The following EPAS1 variants were observed in gnomAD, a reference collection of about 807,000 sequenced individuals.
EPAS1 encodes the protein endothelial PAS domain-containing protein 1.
Under a neutral mutation model 87.9 loss-of-function variants are expected in EPAS1, and 23 were observed. That is an observed-to-expected ratio of 0.26 (90% CI 0.19 to 0.37). The LOEUF is 0.37. EPAS1 is among the 10% of genes least tolerant of loss of function. The probability of loss-of-function intolerance (pLI) is 1.00; values close to 1 mark genes in which losing one functional copy is unlikely to be tolerated. For synonymous variants in EPAS1, 508 were observed against 444.3 expected (o/e 1.14, Z -1.80); for missense variants, 1,138 against 1,120.7 (o/e 1.02, Z -0.22).
At chr2:46,332,173 G>C (rs557806073) in intron 1 of EPAS1, among the ~76,000 whole-genome samples, 2 of 152,030 alleles carry the variant, frequency 1.3e-5, no homozygotes, top group East Asian at 3.9e-4. Flanking sequence ...GGAAAAAGAG[G>C]GTTAAGTGCC....
chr2:46,377,343 C>G (rs1333054744), intron 9 of EPAS1, among the ~76,000 whole-genome samples: 1 of 152,210 alleles, frequency 6.6e-6, no homozygotes, highest in Non-Finnish European at 1.5e-5. Flanking sequence ...TGGAAACACC[C>G]TTGAAGCCCC....
intron 14 of EPAS1, 73 bp downstream of exon 14, chr2:46,382,162 G>T: frequency 1.4e-6 from 2 of 1,409,270 alleles, no homozygotes; most frequent in Non-Finnish European, 2.0e-6. Flanking sequence ...GCCCATCCTG[G>T]TTCTTCCATT....
At chr2:46,307,299 G>T (rs1683124870) in intron 1 of EPAS1, among the ~76,000 whole-genome samples, 1 of 152,128 alleles carries the variant, frequency 6.6e-6, no homozygotes, top group South Asian at 2.1e-4. Context: ...GGAGCAGTGT[G>T]GTGTTGCTGG....
intron 1 of EPAS1, among the ~76,000 whole-genome samples, chr2:46,334,640 T>C (rs1683752914): frequency 6.6e-6 from 1 of 152,174 alleles, no homozygotes; most frequent in Admixed American, 6.5e-5. Flanking sequence ...TCAGGCATAG[T>C]TGTTCCACAT....
At chr2:46,352,802 C>T (rs1264753592) in intron 2 of EPAS1, among the ~76,000 whole-genome samples, 5 of 152,164 alleles carry the variant, frequency 3.3e-5, no homozygotes, top group South Asian at 2.1e-4. Context: ...CCATTGTGAC[C>T]GCAGTCCCAA....
rs375554942 is a variant in EPAS1, at chr2:46,352,550, A to G, written c.218-3601A>G. Among the ~76,000 whole-genome samples the G allele has an allele frequency of 6.3e-4, 96 of 152,350 alleles. 1 individual carries two copies. The East Asian group carries it at 8.7e-3, about 14-fold the overall frequency. On this transcript the variant is annotated intron_variant, in intron 2 of 15. Transcript: ENST00000263734. ...GAAGACACGATGTTCATAGGGGAAGAGGCAGAAGGGTCTTCAGCAGATTTG... is the reference window on the plus strand; with the variant it reads ...GAAGACACGATGTTCATAGGGGAAGGGGCAGAAGGGTCTTCAGCAGATTTG...
At position 46,354,185 on chromosome 2, in the gene EPAS1, T is replaced by G. The variant is rs74930484; in HGVS notation, c.218-1966T>G. Among the ~76,000 whole-genome samples the G allele has an allele frequency of 6.5e-3, 996 of 152,350 alleles. 12 individuals are homozygous for G. The highest frequency in any genetic ancestry group is 0.023 in the African/African-American group (949 of 41,590). ...CCCAGTTCCCTTGCAGAAAGGCCCT[T>G]GAACGACATTTCACAGCATTGATGT... On this transcript the variant is annotated intron_variant, in intron 2 of 15. Transcript: ENST00000263734.
chr2:46,321,519 CCTG>C (rs1401656601), intron 1 of EPAS1, among the ~76,000 whole-genome samples: 2 of 152,060 alleles, frequency 1.3e-5, no homozygotes, highest in African/African-American at 2.4e-5. Context: ...TCTTCATTTC[CCTG>C]CTAACACTTG....
At chr2:46,304,057 A>C (rs1683061860) in intron 1 of EPAS1, among the ~76,000 whole-genome samples, 1 of 152,226 alleles carries the variant, frequency 6.6e-6, no homozygotes, top group Non-Finnish European at 1.5e-5. Context: ...CTGAAAAATG[A>C]CTGTGAAAAC....
At chr2:46,302,997 C>T (rs571160869) in intron 1 of EPAS1, among the ~76,000 whole-genome samples, 135 of 152,206 alleles carry the variant, frequency 8.9e-4, no homozygotes, top group African/African-American at 2.8e-3. Context: ...CGCTTGAACC[C>T]GGGAGGCGGA....
At chr2:46,314,196 T>C (rs1209849830) in intron 1 of EPAS1, among the ~76,000 whole-genome samples, 1 of 152,200 alleles carries the variant, frequency 6.6e-6, no homozygotes, top group African/African-American at 2.4e-5. Flanking sequence ...TATTTGGCAA[T>C]GTTTACACCG....
intron 1 of EPAS1, among the ~76,000 whole-genome samples, chr2:46,337,533 G>A (rs1683817927): frequency 1.3e-5 from 2 of 152,160 alleles, no homozygotes; most frequent in African/African-American, 4.8e-5. Flanking sequence ...TTACATCTCA[G>A]GCCTTTTCTT....
chr2:46,337,878 A>G (rs1174072097), intron 1 of EPAS1, among the ~76,000 whole-genome samples: 2 of 152,140 alleles, frequency 1.3e-5, no homozygotes, highest in East Asian at 3.9e-4. Flanking sequence ...TTTCTTTTAA[A>G]GACAGACTTC....
At chr2:46,377,008 C>G (rs570667860) in intron 9 of EPAS1, among the ~76,000 whole-genome samples, 3 of 152,290 alleles carry the variant, frequency 2.0e-5, no homozygotes, top group Non-Finnish European at 4.4e-5. Flanking sequence ...AGGACACCCC[C>G]CTGAGGGTCG....
At chr2:46,383,037 G>T (rs1280982757) in intron 15 of EPAS1, among the ~76,000 whole-genome samples, 3 of 152,176 alleles carry the variant, frequency 2.0e-5, no homozygotes, top group Non-Finnish European at 2.9e-5. Context: ...GTTGGGAAGC[G>T]GTCTGGGCAG....
chr2:46,376,387 T>C, intron 8 of EPAS1, 152 bp from the exon 9 acceptor site: 4 of 765,376 alleles, frequency 5.2e-6, no homozygotes, highest in Non-Finnish European at 9.3e-6. Flanking sequence ...GCTCACACAC[T>C]TCTATTGTAT....
chr2:46,361,765 C>T (rs959546597), intron 6 of EPAS1, among the ~76,000 whole-genome samples: 15 of 152,058 alleles, frequency 9.9e-5, no homozygotes, highest in African/African-American at 3.6e-4. Flanking sequence ...TGAAAGAGTG[C>T]CTAAGACTGC....
In EPAS1 at chr2:46,334,050, G is replaced by A. The variant is rs544395229; in HGVS notation, c.27-12823G>A. Reference sequence around the variant, plus strand: ...GTGGACTGAGCTGAGGCTCCAGCCTGTGGCAGCCCAGGAATTGCTGCCATA... The same window carrying A: ...GTGGACTGAGCTGAGGCTCCAGCCTATGGCAGCCCAGGAATTGCTGCCATA... On this transcript the variant is annotated intron_variant, in intron 1 of 15. Coordinates refer to ENST00000263734, the MANE Select transcript of EPAS1 (RefSeq NM_001430.5). Among the ~76,000 whole-genome samples the A allele has an allele frequency of 1.4e-4, 22 of 152,306 alleles. No individual in the cohort carries two copies. The East Asian group carries it at 3.5e-3, about 24-fold the overall frequency.
chr2:46,329,222 G>C (rs1683623074), intron 1 of EPAS1, among the ~76,000 whole-genome samples: 1 of 152,202 alleles, frequency 6.6e-6, no homozygotes, highest in African/African-American at 2.4e-5. Context: ...ATTGGTTACT[G>C]ACTCTGGTTC....
Sources: allele counts gnomAD v4.1 joint callset (sites outside exome capture counted in the v4.1 genomes callset), GRCh38; gene constraint gnomAD v4.1.1; transcripts MANE v1.5; gene names NCBI Gene and HGNC (gene_info 2026-07-23, HGNC 2026-07-21).